The following KIAA1549L variants were observed in gnomAD, a reference collection of about 807,000 sequenced individuals.
KIAA1549L encodes UPF0606 protein KIAA1549L.
A neutral mutation model predicts 160.7 loss-of-function variants in KIAA1549L; 88 were observed. That is an observed-to-expected ratio of 0.55 (90% CI 0.46 to 0.65). The LOEUF (loss-of-function observed/expected upper bound fraction) is 0.65, where lower values mean the gene tolerates loss of function less well. KIAA1549L is among the 30% of genes least tolerant of loss of function. The pLI, the probability that KIAA1549L is intolerant of heterozygous loss-of-function variation, is 0.00. For synonymous variants in KIAA1549L, 950 were observed against 976.7 expected (o/e 0.97, Z 0.51); for missense variants, 2,258 against 2,437.5 (o/e 0.93, Z 1.55).
chr11:33,638,246 CTT>C (rs530572769), intron 16 of KIAA1549L, among the ~76,000 whole-genome samples: 1 of 151,532 alleles, frequency 6.6e-6, no homozygotes, highest in East Asian at 1.9e-4. Context: ...AACTCCCTCA[CTT>C]TTTTTTTCAG....
intron 1 of KIAA1549L, among the ~76,000 whole-genome samples, chr11:33,400,565 T>G (rs932836213): frequency 6.6e-6 from 1 of 152,250 alleles, no homozygotes; most frequent in African/African-American, 2.4e-5. Flanking sequence ...TAGAGAATCA[T>G]GTACCAGCAA....
At chr11:33,472,708 A>G (rs1019825310) in intron 1 of KIAA1549L, among the ~76,000 whole-genome samples, 3 of 152,326 alleles carry the variant, frequency 2.0e-5, no homozygotes, top group African/African-American at 7.2e-5. Flanking sequence ...CTGCATGTCA[A>G]AAATTTCTTT....
intron 20 of KIAA1549L, among the ~76,000 whole-genome samples, chr11:33,661,861 T>C (rs1418947887): frequency 1.9e-5 from 2 of 104,634 alleles, no homozygotes; most frequent in Non-Finnish European, 3.5e-5. Context: ...GCTGGGGCGA[T>C]AGAGCAAGAC....
At chr11:33,409,969 A>T (rs1251643397) in intron 1 of KIAA1549L, among the ~76,000 whole-genome samples, 1 of 152,018 alleles carries the variant, frequency 6.6e-6, no homozygotes, top group Non-Finnish European at 1.5e-5. Flanking sequence ...CACAAAGAAC[A>T]TCTTGTTTTT....
chr11:33,443,240 C>A (rs1403272567), intron 1 of KIAA1549L, among the ~76,000 whole-genome samples: 1 of 152,080 alleles, frequency 6.6e-6, no homozygotes, highest in African/African-American at 2.4e-5. Context: ...GCTGAAGGGA[C>A]CCTCCTGCCT....
chr11:33,626,078 G>A (rs1427563561), intron 16 of KIAA1549L, among the ~76,000 whole-genome samples: 45 of 150,598 alleles, frequency 3.0e-4, no homozygotes, highest in African/African-American at 1.1e-3. Flanking sequence ...GTAGATATGC[G>A]GCATGATTTC....
At chr11:33,581,865 A>G (rs777904903) in intron 10 of KIAA1549L, among the ~76,000 whole-genome samples, 7 of 152,150 alleles carry the variant, frequency 4.6e-5, no homozygotes, top group Middle Eastern at 3.2e-3. Flanking sequence ...AGGTGAGGGG[A>G]TTTTACATAC....
intron 14 of KIAA1549L, among the ~76,000 whole-genome samples, chr11:33,608,439 TCA>T (rs1850564459): frequency 6.6e-6 from 1 of 152,246 alleles, no homozygotes; most frequent in African/African-American, 2.4e-5. Context: ...TCAAAACCAG[TCA>T]CAGTCACTGA....
rs1311062806 is a variant in KIAA1549L at position 33,381,402 on chromosome 11, A to G, written c.238+4513A>G. ...GACAGTGAAAATCTGGGGGAAGAAT[A>G]TTCCAGGCTGTGGGAAAAGCAAGTG... On this transcript the variant is annotated intron_variant, in intron 1 of 20. Transcript: ENST00000658780. Among the ~76,000 whole-genome samples, 8 of 152,340 alleles carry G rather than the reference A, an allele frequency of 5.3e-5. No homozygotes were observed. The East Asian group carries it at 1.5e-3, about 29-fold the overall frequency.
chr11:33,576,185 T>C lies in KIAA1549L; in HGVS notation c.4402+1312T>C, dbSNP rs535490756. On this transcript the variant is annotated intron_variant, in intron 10 of 20. Coordinates refer to ENST00000658780, the MANE Select transcript of KIAA1549L (RefSeq NM_012194.3). ...GTCATCTCCTATGGGTTTGCTTTCCTAGCTCATGTCCGTGTTGCCTAAGTC... is the reference window on the plus strand; with the variant it reads ...GTCATCTCCTATGGGTTTGCTTTCCCAGCTCATGTCCGTGTTGCCTAAGTC... Among the ~76,000 whole-genome samples the C allele has an allele frequency of 1.2e-3, 178 of 152,318 alleles. 1 individual carries two copies. Among genetic ancestry groups the C allele is most frequent in the African/African-American group, 4.2e-3 (174 of 41,570 alleles).
In KIAA1549L at chr11:33,407,444, T is replaced by C. The variant is rs547673504; in HGVS notation, c.238+30555T>C. Among the ~76,000 whole-genome samples the C allele has an allele frequency of 1.1e-4, 17 of 151,978 alleles. No individual in the cohort carries two copies. In the East Asian group the frequency reaches 2.9e-3, roughly 26 times the overall value. On this transcript the variant is annotated intron_variant, in intron 1 of 20. Coordinates refer to ENST00000658780, the MANE Select transcript of KIAA1549L (RefSeq NM_012194.3). ...GCAACCTCTGCCTCCCGGGTTCAAG[T>C]GATTCTCCTGCCTCAGTCTGCAAGC...
chr11:33,482,358 A>G (rs1416886992), intron 1 of KIAA1549L, among the ~76,000 whole-genome samples: 1 of 152,074 alleles, frequency 6.6e-6, no homozygotes, highest in African/African-American at 2.4e-5. Flanking sequence ...GCTAGGTTAA[A>G]TAGAGGTGGT....
At chr11:33,442,076 C>A (rs1291885783) in intron 1 of KIAA1549L, among the ~76,000 whole-genome samples, 2 of 151,586 alleles carry the variant, frequency 1.3e-5, no homozygotes, top group African/African-American at 4.8e-5. Flanking sequence ...AGTCTTTAAT[C>A]CATCTTGAAT....
In KIAA1549L at chr11:33,542,555, CAG is replaced by C; in HGVS notation, c.995_996del (p.Glu332GlyfsTer75). On this transcript the variant is annotated frameshift_variant, in exon 2 of 21. Coordinates refer to ENST00000658780, the MANE Select transcript of KIAA1549L (RefSeq NM_012194.3). LOFTEE classifies it high-confidence loss of function. The stretch of plus-strand genomic sequence containing the variant: ...AAATGGCATTCCGAGCTGTCCCCAA[CAG>C]AGGGTCCCCATTCAGCAGGTTCATC... 6.2e-7 allele frequency: 1 copy of C among 1,613,958 alleles called. No homozygotes were observed. The highest frequency in any genetic ancestry group is 2.2e-5 in the East Asian group (1 of 44,872).
In KIAA1549L at chr11:33,541,905, T is replaced by C. The variant is rs545341233; in HGVS notation, c.342T>C (p.Ser114=). 2 of 270,834 alleles carry C rather than the reference T, an allele frequency of 7.4e-6. No individual in the cohort carries two copies. Among genetic ancestry groups the C allele is most frequent in the South Asian group, 3.6e-5 (1 of 27,958 alleles). 16.8% of individuals were successfully genotyped at this position (270,834 alleles called of 1,614,324 possible). A position where few individuals can be genotyped will look rare whatever the true frequency, so the allele number is the denominator to read the frequency against. The change falls in exon 2 of 21, where the codon TCT becomes TCC. Residue 114 remains serine (S), a synonymous_variant. Coordinates refer to ENST00000658780, the MANE Select transcript of KIAA1549L (RefSeq NM_012194.3). ...SPTWPFTEVR[S]SSAADRIKTV... Reference sequence around the variant, plus strand: ...CATGGCCTTTCACAGAAGTCAGGTCTTCCTCAGCAGCAGACAGAATCAAGA... The same window carrying C: ...CATGGCCTTTCACAGAAGTCAGGTCCTCCTCAGCAGCAGACAGAATCAAGA...
intron 1 of KIAA1549L, among the ~76,000 whole-genome samples, chr11:33,388,227 A>G (rs1476898940): frequency 6.6e-6 from 1 of 152,200 alleles, no homozygotes; most frequent in Non-Finnish European, 1.5e-5. Flanking sequence ...CAATCATGGC[A>G]GAAGGGGAAA....
intron 17 of KIAA1549L, among the ~76,000 whole-genome samples, chr11:33,651,859 CTCCCCTCCCCTCCCCCCCTT>C (rs1363280417): frequency 2.5e-5 from 1 of 39,734 alleles, no homozygotes; most frequent in Non-Finnish European, 4.1e-5. Flanking sequence ...TCCCATTCCC[CTCCCCTCCCCTCCCCCCCTT>C]TCTCCTCCCC....
chr11:33,555,803 A>T (rs554419751), intron 6 of KIAA1549L, among the ~76,000 whole-genome samples: 6 of 152,364 alleles, frequency 3.9e-5, no homozygotes, highest in African/African-American at 1.2e-4. Flanking sequence ...AAAGTAGGCA[A>T]ATTAGACTTC....
intron 1 of KIAA1549L, among the ~76,000 whole-genome samples, chr11:33,439,901 C>T (rs1034582462): frequency 4.6e-5 from 7 of 152,058 alleles, no homozygotes; most frequent in Non-Finnish European, 5.9e-5. Context: ...AAAGGACAAA[C>T]ATCATATAGC....
Sources: allele counts gnomAD v4.1 joint callset (sites outside exome capture counted in the v4.1 genomes callset), GRCh38; gene constraint gnomAD v4.1.1; transcripts MANE v1.5; gene names NCBI Gene and HGNC (gene_info 2026-07-23, HGNC 2026-07-21).